Variants in SCAF8 observed in about 807,000 individuals in gnomAD.
SCAF8 encodes SR-related CTD associated factor 8.
SCAF8 carries 23 observed loss-of-function variants against 140.5 expected under a neutral mutation model. That is an observed-to-expected ratio of 0.16 (90% CI 0.12 to 0.23). The LOEUF (loss-of-function observed/expected upper bound fraction) is 0.23, where lower values mean the gene tolerates loss of function less well. SCAF8 is among the 10% of genes least tolerant of loss of function. The probability of loss-of-function intolerance (pLI) is 1.00; values close to 1 mark genes in which losing one functional copy is unlikely to be tolerated. For synonymous variants in SCAF8, 575 were observed against 528.9 expected, an observed-to-expected ratio of 1.09 and a Z score of -1.20; for missense variants, 1,397 against 1,555.7, an observed-to-expected ratio of 0.90 and a Z score of 1.72.
chr6:154,748,946 A>G (rs570676404), intron 1 of SCAF8, among the ~76,000 whole-genome samples: 2 of 152,234 alleles, frequency 1.3e-5, no homozygotes, highest in African/African-American at 4.8e-5. Flanking sequence ...CTATGAATAA[A>G]ATGTCTTTTT....
chr6:154,735,734 A>G (rs1778399230), intron 1 of SCAF8, among the ~76,000 whole-genome samples: 2 of 151,852 alleles, frequency 1.3e-5, no homozygotes, highest in African/African-American at 4.8e-5. Context: ...GGCTGTTCTC[A>G]AACTCCTGAC....
rs191750151 is a variant in SCAF8 at position 154,751,033 on chromosome 6, T to A, written c.30+17103T>A. 1.4e-4 allele frequency among the ~76,000 whole-genome samples: 22 copies of A among 152,280 alleles called. No individual in the cohort carries two copies. The East Asian group carries it at 1.9e-3, about 13-fold the overall frequency. ...CAGGAAGATTAAAATGAAGTTATTTTCATTTATACACCAGTGTATTTTTGT... is the reference window on the plus strand; with the variant it reads ...CAGGAAGATTAAAATGAAGTTATTTACATTTATACACCAGTGTATTTTTGT... On this transcript the variant is annotated intron_variant, in intron 1 of 19. Transcript: ENST00000367178.
chr6:154,785,303 A>C (rs1777220155), intron 3 of SCAF8, among the ~76,000 whole-genome samples: 2 of 152,202 alleles, frequency 1.3e-5, no homozygotes. Flanking sequence ...TGAACAGTGT[A>C]ATATTTACAT....
chr6:154,761,875 A>G (rs188067248), intron 1 of SCAF8, among the ~76,000 whole-genome samples: 2 of 152,294 alleles, frequency 1.3e-5, no homozygotes, highest in African/African-American at 2.4e-5. Flanking sequence ...TGTTATTTCT[A>G]AAGTTTCTGT....
chr6:154,813,221 C>CA (rs1211968910), intron 12 of SCAF8, among the ~76,000 whole-genome samples: 6 of 151,772 alleles, frequency 4.0e-5, no homozygotes, highest in African/African-American at 7.3e-5. Flanking sequence ...CAAAACAAAA[C>CA]AAAAAACAGA....
At chr6:154,774,462 A>G (rs1776862343) in intron 2 of SCAF8, among the ~76,000 whole-genome samples, 1 of 151,980 alleles carries the variant, frequency 6.6e-6, no homozygotes, top group African/African-American at 2.4e-5. Context: ...ATTTTTCCTC[A>G]CCTTTCTTAG....
intron 8 of SCAF8, 140 bp from the exon 9 acceptor site, chr6:154,805,229 A>C: frequency 1.8e-6 from 1 of 557,858 alleles, no homozygotes; most frequent in Non-Finnish European, 3.3e-6. Flanking sequence ...ATTCTACTTT[A>C]AGTATTAAAA....
chr6:154,760,137 G>A (rs1305947367), intron 1 of SCAF8, among the ~76,000 whole-genome samples: 1 of 151,968 alleles, frequency 6.6e-6, no homozygotes, highest in African/African-American at 2.4e-5. Context: ...ACCAAAAAAT[G>A]TAAAAAATTA....
chr6:154,734,081 T>C, intron 1 of SCAF8, 151 bp downstream of exon 1: 3 of 1,238,278 alleles, frequency 2.4e-6, no homozygotes, highest in South Asian at 2.3e-5. Flanking sequence ...GGGGTGTTTC[T>C]CCTCTGGGTG....
intron 13 of SCAF8, among the ~76,000 whole-genome samples, chr6:154,817,685 G>T (rs780630725): frequency 1.3e-5 from 2 of 152,178 alleles, no homozygotes; most frequent in Non-Finnish European, 2.9e-5. Flanking sequence ...TGTTAGCAAG[G>T]CTGAGGAAAA....
At chr6:154,752,465 TCTA>T (rs1331677500) in intron 1 of SCAF8, among the ~76,000 whole-genome samples, 1 of 152,202 alleles carries the variant, frequency 6.6e-6, no homozygotes, top group Admixed American at 6.5e-5. Context: ...CTTTTATTCT[TCTA>T]CTAGGGGATA....
chr6:154,733,471 G>C lies in SCAF8; in HGVS notation c.-430G>C, dbSNP rs1347289265. On this transcript the variant is annotated 5_prime_UTR_variant, in exon 1 of 20. Transcript: ENST00000367178. Reference sequence around the variant, plus strand: ...GCTTCCTCCTCTGTCTTCGCCGAGCGGGGCTGGTTCCTGCGGCCCGAGCGG... The same window carrying C: ...GCTTCCTCCTCTGTCTTCGCCGAGCCGGGCTGGTTCCTGCGGCCCGAGCGG... The C allele has an allele frequency of 8.1e-6, 11 of 1,357,574 alleles. No homozygotes were observed. Among genetic ancestry groups the C allele is most frequent in the Non-Finnish European group, 1.0e-5 (11 of 1,058,342 alleles). The allele number at this position is 1,357,574 out of a possible 1,614,324, so 84.1% of individuals were successfully genotyped here. A position where few individuals can be genotyped will look rare whatever the true frequency, so the allele number is the denominator to read the frequency against.
Position 154,741,081 on chromosome 6 carries a change from G to A in SCAF8, c.30+7151G>A, listed in dbSNP as rs141620779. On this transcript the variant is annotated intron_variant, in intron 1 of 19. Coordinates refer to ENST00000367178, the MANE Select transcript of SCAF8 (RefSeq NM_014892.5). The stretch of plus-strand genomic sequence containing the variant: ...TTCAGTTAGGTTAAGTCCATTGTGA[G>A]TTTTATGTTGTCTAGTAATTATGTT... 4.1e-4 allele frequency among the ~76,000 whole-genome samples: 63 copies of A among 152,228 alleles called. No homozygotes were observed. The East Asian group carries it at 5.6e-3, about 14-fold the overall frequency.
chr6:154,783,249 T>A (rs62432763), intron 3 of SCAF8, among the ~76,000 whole-genome samples: 10,643 of 152,242 alleles, frequency 0.07, 432 homozygotes, highest in African/African-American at 0.094. Flanking sequence ...TTTGCATGAG[T>A]ACTACAAGCA....
At chr6:154,798,912 G>A (rs1291103253) in intron 6 of SCAF8, among the ~76,000 whole-genome samples, 4 of 151,164 alleles carry the variant, frequency 2.6e-5, no homozygotes, top group Non-Finnish European at 5.9e-5. Flanking sequence ...CGATCCTCCC[G>A]CCTCAGCCTC....
chr6:154,829,818 A>C (rs1045489821), intron 18 of SCAF8, among the ~76,000 whole-genome samples: 1 of 152,166 alleles, frequency 6.6e-6, no homozygotes, highest in African/African-American at 2.4e-5. Flanking sequence ...GAGGCAGGAG[A>C]ATCACTTGAA....
chr6:154,751,298 C>CGGAG (rs1341716707), intron 1 of SCAF8, among the ~76,000 whole-genome samples: 1 of 151,720 alleles, frequency 6.6e-6, no homozygotes, highest in African/African-American at 2.4e-5. Flanking sequence ...GTGTGATCTC[C>CGGAG]GCTCACTGCA....
At chr6:154,771,985 C>A (rs927717334) in intron 1 of SCAF8, among the ~76,000 whole-genome samples, 1 of 152,048 alleles carries the variant, frequency 6.6e-6, no homozygotes, top group African/African-American at 2.4e-5. Flanking sequence ...GTAAATTGGA[C>A]TGTGGTCATG....
chr6:154,749,033 C>T (rs1438901765), intron 1 of SCAF8, among the ~76,000 whole-genome samples: 1 of 152,168 alleles, frequency 6.6e-6, no homozygotes, highest in Non-Finnish European at 1.5e-5. Context: ...CTTCTGCCTC[C>T]TGGGTTCAAG....
Sources: allele counts gnomAD v4.1 joint callset (sites outside exome capture counted in the v4.1 genomes callset), GRCh38; gene constraint gnomAD v4.1.1; transcripts MANE v1.5; gene names NCBI Gene and HGNC (gene_info 2026-07-23, HGNC 2026-07-21).